Variants in ARHGEF19 observed in about 807,000 individuals in gnomAD.
ARHGEF19 encodes Rho guanine nucleotide exchange factor (GEF) 19.
In ARHGEF19, 92 loss-of-function variants were observed where a neutral mutation model predicts 87.6. That is an observed-to-expected ratio of 1.05 (90% CI 0.89 to 1.25). The LOEUF is 1.25. Among genes scored for constraint, ARHGEF19 ranks in the 50% most tolerant of loss-of-function variants. ARHGEF19 has a pLI of 0.00. For missense variants in ARHGEF19, 1,054 were observed against 1,051.8 expected, an observed-to-expected ratio of 1.00 and a Z score of -0.03; for synonymous variants, 438 against 446.2, an observed-to-expected ratio of 0.98 and a Z score of 0.23.
intron 15 of ARHGEF19, 101 bp downstream of exon 15, chr1:16,199,049 A>T: frequency 8.4e-7 from 1 of 1,185,256 alleles, no homozygotes; most frequent in South Asian, 1.3e-5. Flanking sequence ...GCTGTGGCAG[A>T]TCAACACTTG....
Position 16,202,525 on chromosome 1 carries a change from C to A in ARHGEF19, c.1957G>T (p.Val653Leu). ...TGCAGCTTCAGGCTCAGGTCCCGCA[C>A]CTGCAGCTCAGCCATCTTGGCATGG... ...FVHAKMAELQ[V>L]RDLSLKLQGI... Residue 653 changes from valine (V) to leucine (L), a missense_variant, in exon 13 of 16, where the codon GTG becomes TTG. Physicochemically the swap from Val to Leu is conservative, Grantham distance 32. Coordinates refer to ENST00000270747, the MANE Select transcript of ARHGEF19 (RefSeq NM_153213.5). The A allele has an allele frequency of 6.2e-7, 1 of 1,614,216 alleles. No individual in the cohort carries two copies. Among genetic ancestry groups the A allele is most frequent in the Non-Finnish European group, 8.5e-7 (1 of 1,180,030 alleles).
Position 16,202,417 on chromosome 1 carries a change from C to T in ARHGEF19, c.2065G>A (p.Glu689Lys). The change falls in exon 13 of 16, where the codon GAA (glutamate) becomes AAA (lysine). Residue 689 changes from glutamate to lysine, a missense_variant and splice_region_variant. Physicochemically the swap from Glu to Lys is moderately conservative, Grantham distance 56. Transcript: ENST00000270747. The part of the protein sequence containing the change: ...KHQFLLRART[E>K]SEKQRWISAL... ...TCTCCCATATCCAGGCCCACTCACT[C>T]CGTCCGGGCCCGCAGCAGGAACTGG... is the stretch of plus-strand genomic sequence containing the variant. 6.2e-7 allele frequency: 1 copy of T among 1,610,310 alleles called. No individual in the cohort carries two copies. Among genetic ancestry groups the T allele is most frequent in the Non-Finnish European group, 8.5e-7 (1 of 1,178,266 alleles).
At position 16,206,496 on chromosome 1, in the gene ARHGEF19, G is replaced by A. The variant is rs2081136684; in HGVS notation, c.1138-156C>T. On this transcript the variant is annotated intron_variant, in intron 6 of 15. Transcript: ENST00000270747. The surrounding 1 kb of genome is among the most constrained non-coding windows in gnomAD (Gnocchi z 4.6). ...GCGCCGGGCGGGCCCGGCGACCCAC[G>A]TCCCGCCGCGGGAAATTGTGCAAGC... The A allele has an allele frequency of 1.3e-6, 1 of 758,016 alleles. No individual in the cohort carries two copies. Among genetic ancestry groups the A allele is most frequent in the Non-Finnish European group, 2.2e-6 (1 of 461,996 alleles). The allele number at this position is 758,016 out of a possible 1,614,324, so 47.0% of individuals were successfully genotyped here.
rs763450731 is a variant in ARHGEF19 at position 16,208,965 on chromosome 1, C to G, written c.90G>C (p.Glu30Asp). The G allele has an allele frequency of 4.5e-6, 7 of 1,556,608 alleles. No individual in the cohort carries two copies. The East Asian group carries it at 9.1e-5, about 20-fold the overall frequency. Residue 30 changes from glutamate to aspartate, a missense_variant, in exon 2 of 16, where the codon GAG (glutamate) becomes GAC (aspartate). Glu to Asp is a conservative substitution (Grantham distance 45, BLOSUM62 2). Transcript: ENST00000270747. ...AHHPVAVCQQ[E>D]SLSFAELPAL... ...CGGGCAGCTCTGCAAAGGACAGACT[C>G]TCCTGCTGGCACACTGCTACAGGGT...
chr1:16,206,436 G>T lies in ARHGEF19; in HGVS notation c.1138-96C>A. ...CAGACCCCAGGACGCCACACCTCGC[G>T]TCCTCGCCCCTTCTCTAGCCCCACT... On this transcript the variant is annotated intron_variant, in intron 6 of 15. Coordinates refer to ENST00000270747, the MANE Select transcript of ARHGEF19 (RefSeq NM_153213.5). This position sits in a 1 kb window ranked among gnomAD's most constrained non-coding sequence, Gnocchi z 4.6. 1 of 1,384,276 alleles carries T rather than the reference G, an allele frequency of 7.2e-7. No individual in the cohort carries two copies. Among genetic ancestry groups the T allele is most frequent in the Non-Finnish European group, 1.0e-6 (1 of 997,300 alleles). The allele number at this position is 1,384,276 out of a possible 1,614,324, so 85.7% of individuals were successfully genotyped here.
chr1:16,198,902 G>A lies in ARHGEF19; in HGVS notation c.2252-158C>T, dbSNP rs1398768720. Among the ~76,000 whole-genome samples, 1 of 152,126 alleles carries A rather than the reference G, an allele frequency of 6.6e-6. No individual in the cohort carries two copies. The highest frequency in any genetic ancestry group is 1.5e-5 in the Non-Finnish European group (1 of 68,030). On this transcript the variant is annotated intron_variant, in intron 15 of 15. Transcript: ENST00000270747. The surrounding 1 kb of genome is among the most constrained non-coding windows in gnomAD (Gnocchi z 4.1). ...AGCTCCAGGAAGGACCCTGTCTTGA[G>A]CTGTCTTGCAGATGAACTTCTGACC...
Position 16,202,528 on chromosome 1 carries a change from G to A in ARHGEF19, c.1954C>T (p.Gln652Ter). ...VFVHAKMAEL[Q>*]VRDLSLKLQG... ...AGCTTCAGGCTCAGGTCCCGCACCT[G>A]CAGCTCAGCCATCTTGGCATGGACG... The change falls in exon 13 of 16, where the codon CAG (glutamine) becomes TAG (stop). Residue 652 changes from glutamine to a stop codon, truncating the protein, a stop_gained. Coordinates refer to ENST00000270747, the MANE Select transcript of ARHGEF19 (RefSeq NM_153213.5). LOFTEE classifies it high-confidence loss of function. The A allele has an allele frequency of 6.2e-7, 1 of 1,614,212 alleles. No individual in the cohort carries two copies. The highest frequency in any genetic ancestry group is 8.5e-7 in the Non-Finnish European group (1 of 1,180,026).
intron 13 of ARHGEF19, 75 bp from the exon 14 acceptor site, chr1:16,201,936 T>C: frequency 6.7e-7 from 1 of 1,482,782 alleles, no homozygotes; most frequent in South Asian, 1.2e-5. Context: ...AAACCAAGGC[T>C]GGGGGAGCCA....
chr1:16,207,439 A>G lies in ARHGEF19; in HGVS notation c.874+83T>C. The G allele has an allele frequency of 1.3e-6, 2 of 1,548,340 alleles. No individual in the cohort carries two copies. The highest frequency in any genetic ancestry group is 1.8e-6 in the Non-Finnish European group (2 of 1,132,634). ...TTTCTCACTCGATCCCTACCTCTCA[A>G]CTCTCCAAACCCTCTTTTCCCCGTT... On this transcript the variant is annotated intron_variant, in intron 5 of 15. Coordinates refer to ENST00000270747, the MANE Select transcript of ARHGEF19 (RefSeq NM_153213.5). The surrounding 1 kb of genome is among the most constrained non-coding windows in gnomAD (Gnocchi z 4.0).
chr1:16,208,169 C>A lies in ARHGEF19; in HGVS notation c.469G>T (p.Ala157Ser), dbSNP rs767352434. ...EEVPGCPEAH[A>S]VFLEPGQVVQ... is the part of the protein sequence containing the mutation. ...ACCTGGCCAGGCTCTAGGAAGACAG[C>A]GTGGGCCTCGGGGCAGCCGGGGACC... Residue 157 changes from alanine (A) to serine (S), a missense_variant, in exon 3 of 16, where the codon GCT (alanine) becomes TCT (serine). Transcript: ENST00000270747. 6 of 1,613,130 alleles carry A rather than the reference C, an allele frequency of 3.7e-6. No individual in the cohort carries two copies. The East Asian group carries it at 1.1e-4, about 30-fold the overall frequency.
Position 16,205,424 on chromosome 1 carries a change from T to A in ARHGEF19, c.1583A>T (p.Asn528Ile). The change falls in exon 10 of 16, where the codon AAC becomes ATC. Residue 528 changes from asparagine to isoleucine, a missense_variant and splice_region_variant. Asn to Ile is a moderately radical substitution (Grantham distance 149). Coordinates refer to ENST00000270747, the MANE Select transcript of ARHGEF19 (RefSeq NM_153213.5). This position sits in a 1 kb window ranked among gnomAD's most constrained non-coding sequence, Gnocchi z 5.8. The stretch of plus-strand genomic sequence containing the variant: ...GCCCTGTGCTGTCCGCTTCAGGATG[T>A]TCTGGAAGGTGGGATCAGCACAATG... ...RITRLKMLVE[N>I]ILKRTAQGSE... is the part of the protein sequence containing the mutation. 1 of 1,610,880 alleles carries A rather than the reference T, an allele frequency of 6.2e-7. No homozygotes were observed. The highest frequency in any genetic ancestry group is 8.5e-7 in the Non-Finnish European group (1 of 1,178,414).
rs772204026 is a variant in ARHGEF19, at chr1:16,205,394, T to G, written c.1613A>C (p.Glu538Ala). The G allele has an allele frequency of 6.2e-7, 1 of 1,613,360 alleles. No homozygotes were observed. The highest frequency in any genetic ancestry group is 2.2e-5 in the East Asian group (1 of 44,866). Reference protein sequence around the residue: ...NILKRTAQGSEDEDMATKAFN... With the variant: ...NILKRTAQGSADEDMATKAFN... ...GGCCTTGGTGGCCATGTCTTCGTCTTCAGAGCCCTGTGCTGTCCGCTTCAG... is the reference window on the plus strand; with the variant it reads ...GGCCTTGGTGGCCATGTCTTCGTCTGCAGAGCCCTGTGCTGTCCGCTTCAG... The change falls in exon 10 of 16, where the codon GAA becomes GCA. Residue 538 changes from glutamate to alanine, a missense_variant. Coordinates refer to ENST00000270747, the MANE Select transcript of ARHGEF19 (RefSeq NM_153213.5). The surrounding 1 kb of genome is among the most constrained non-coding windows in gnomAD (Gnocchi z 5.8).
rs1290459011 is a variant in ARHGEF19 at position 16,207,749 on chromosome 1, A to G, written c.723T>C (p.Ser241=). The part of the protein sequence containing the change: ...EGKASGMEAR[S]VEMSGDRVSR... ...ACACCCGGTCCCCGCTCATCTCTAC[A>G]CTTCGAGCCTCCATTCCAGATGCTT... Residue 241 remains serine (S), a synonymous_variant, in exon 4 of 16, where the codon AGT becomes AGC. Transcript: ENST00000270747. This position sits in a 1 kb window ranked among gnomAD's most constrained non-coding sequence, Gnocchi z 4.0. The G allele has an allele frequency of 1.2e-6, 2 of 1,613,830 alleles. No homozygotes were observed. Among genetic ancestry groups the G allele is most frequent in the African/African-American group, 2.7e-5 (2 of 74,992 alleles).
At position 16,206,281 on chromosome 1, in the gene ARHGEF19, C is replaced by A; in HGVS notation, c.1197G>T (p.Val399=). 6.3e-7 allele frequency: 1 copy of A among 1,585,340 alleles called. No homozygotes were observed. Among genetic ancestry groups the A allele is most frequent in the East Asian group, 2.3e-5 (1 of 44,008 alleles). ...ASYIHSLSVA[V]GHFLGSAELS... ...GCTCGGCAGAGCCTAAGAAGTGGCC[C>A]ACAGCCACCGACAGGCTGTGGATGT... Residue 399 remains valine (V), a synonymous_variant, in exon 7 of 16, where the codon GTG becomes GTT. Transcript: ENST00000270747. This position sits in a 1 kb window ranked among gnomAD's most constrained non-coding sequence, Gnocchi z 4.6.
Position 16,206,302 on chromosome 1 carries a change from G to A in ARHGEF19, c.1176C>T (p.Ile392=), listed in dbSNP as rs1181363999. The change falls in exon 7 of 16, where the codon ATC becomes ATT. Residue 392 remains isoleucine, a synonymous_variant. Coordinates refer to ENST00000270747, the MANE Select transcript of ARHGEF19 (RefSeq NM_153213.5). The surrounding 1 kb of genome is among the most constrained non-coding windows in gnomAD (Gnocchi z 4.6). The stretch of plus-strand genomic sequence containing the variant: ...GGCCCACAGCCACCGACAGGCTGTG[G>A]ATGTAGGAGGCCTCGGAGGTGATCA... ...FELITSEASY[I]HSLSVAVGHF... 2 of 1,582,842 alleles carry A rather than the reference G, an allele frequency of 1.3e-6. No homozygotes were observed. Among genetic ancestry groups the A allele is most frequent in the African/African-American group, 1.3e-5 (1 of 74,624 alleles).
chr1:16,201,988 C>G, intron 13 of ARHGEF19, 127 bp from the exon 14 acceptor site: 1 of 61,808 alleles, frequency 1.6e-5, no homozygotes, highest in Non-Finnish European at 2.3e-5. Context: ...ACCCTAGGGA[C>G]CCATGTCTGC....
At position 16,205,508 on chromosome 1, in the gene ARHGEF19, C is replaced by T. The variant is rs768554655; in HGVS notation, c.1581+30G>A. The stretch of plus-strand genomic sequence containing the variant: ...CCACAGGTGTATCTCCCTCGCCCAG[C>T]CCTCACTGTGGCCTGTCCCCTCGAG... On this transcript the variant is annotated intron_variant, in intron 9 of 15. Transcript: ENST00000270747. This position sits in a 1 kb window ranked among gnomAD's most constrained non-coding sequence, Gnocchi z 5.8. 5 of 1,613,856 alleles carry T rather than the reference C, an allele frequency of 3.1e-6. No homozygotes were observed. Among genetic ancestry groups the T allele is most frequent in the Non-Finnish European group, 4.2e-6 (5 of 1,179,882 alleles).
chr1:16,209,280 A>C (rs142117130), intron 1 of ARHGEF19, among the ~76,000 whole-genome samples, 197 bp from the exon 2 acceptor site: 2 of 152,312 alleles, frequency 1.3e-5, no homozygotes, highest in East Asian at 3.9e-4. Context: ...TACTTTACAC[A>C]TACTATCTCA....
rs758327917 is a variant in ARHGEF19 at position 16,205,993 on chromosome 1, G to C, written c.1389C>G (p.Arg463=). Residue 463 remains arginine (R), a synonymous_variant, in exon 8 of 16, where the codon CGC becomes CGG. Coordinates refer to ENST00000270747, the MANE Select transcript of ARHGEF19 (RefSeq NM_153213.5). The surrounding 1 kb of genome is among the most constrained non-coding windows in gnomAD (Gnocchi z 5.8). ...TGGTGACATAGGGCAGGTAGACTCTGCGGAAGGCCGGGCAGTGGTCCAGCA... is the reference window on the plus strand; with the variant it reads ...TGGTGACATAGGGCAGGTAGACTCTCCGGAAGGCCGGGCAGTGGTCCAGCA... ...DVVLDHCPAF[R]RVYLPYVTNQ... 1 of 1,610,296 alleles carries C rather than the reference G, an allele frequency of 6.2e-7. No homozygotes were observed. Among genetic ancestry groups the C allele is most frequent in the South Asian group, 1.1e-5 (1 of 90,334 alleles).
Sources: gnomAD v4.1 joint callset for allele counts (sites outside exome capture counted in the v4.1 genomes callset) on GRCh38, gnomAD v4.1.1 for gene constraint, Gnocchi (gnomAD v3.1) non-coding constraint, MANE v1.5 for transcripts, NCBI Gene and HGNC (gene_info 2026-07-23, HGNC 2026-07-21) for gene names.